Variants in SYT16 observed in about 807,000 individuals in gnomAD.
SYT16 encodes the protein synaptotagmin 16, also known as synaptotagmin-16.
A neutral mutation model predicts 61.4 loss-of-function variants in SYT16; 42 were observed. That is an observed-to-expected ratio of 0.68 (90% CI 0.53 to 0.89). The LOEUF (loss-of-function observed/expected upper bound fraction) is 0.89. Ranked by LOEUF, SYT16 falls within the 40% of genes least tolerant of loss-of-function variation. The probability of loss-of-function intolerance (pLI) is 0.00; values close to 1 mark genes in which losing one functional copy is unlikely to be tolerated. For synonymous variants in SYT16, 314 were observed against 302.3 expected (o/e 1.04, Z -0.40); for missense variants, 804 against 807.3 (o/e 1.00, Z 0.05).
chr14:61,841,257 G>T (rs574857944), intron 1 of SYT16, among the ~76,000 whole-genome samples: 1 of 152,160 alleles, frequency 6.6e-6, no homozygotes, highest in Non-Finnish European at 1.5e-5. Flanking sequence ...AAATCACAGA[G>T]CATTCATTCT....
rs963825824 is a variant in SYT16 at position 62,107,368 on chromosome 14, G to A, written c.*6661G>A. ...GGATTGCTTGAACCTGTGAGGTCAA[G>A]GCTGCAGTGAGCCGGGATCATGCCA... On this transcript the variant is annotated 3_prime_UTR_variant, in exon 8 of 8. Coordinates refer to ENST00000683842, the MANE Select transcript of SYT16 (RefSeq NM_001367656.1). 10 of 152,198 alleles carry A rather than the reference G, an allele frequency of 6.6e-5. No individual in the cohort carries two copies. Among genetic ancestry groups the A allele is most frequent in the African/African-American group, 1.2e-4 (5 of 41,400 alleles). 9.4% of individuals were successfully genotyped at this position (152,198 alleles called of 1,614,324 possible).
At chr14:61,999,638 T>G (rs1358084525) in intron 3 of SYT16, among the ~76,000 whole-genome samples, 1 of 151,860 alleles carries the variant, frequency 6.6e-6, no homozygotes, top group Non-Finnish European at 1.5e-5. Flanking sequence ...ATTATTTTCT[T>G]TGTTTTTCTT....
intron 1 of SYT16, among the ~76,000 whole-genome samples, chr14:61,815,841 C>T (rs528878564): frequency 5.3e-5 from 8 of 152,162 alleles, no homozygotes; most frequent in African/African-American, 1.9e-4. Flanking sequence ...AGTAGTGAAG[C>T]GCTATTTTAT....
At chr14:61,977,552 C>A (rs1485804626) in intron 2 of SYT16, among the ~76,000 whole-genome samples, 1 of 152,162 alleles carries the variant, frequency 6.6e-6, no homozygotes, top group Non-Finnish European at 1.5e-5. Context: ...CACTCACTAT[C>A]ATGAGAACAG....
At chr14:62,036,280 A>G (rs2054503265) in intron 3 of SYT16, among the ~76,000 whole-genome samples, 1 of 152,080 alleles carries the variant, frequency 6.6e-6, no homozygotes. Flanking sequence ...AAACGTGAGG[A>G]TCTGAAAAAA....
At chr14:61,938,390 G>A (rs970336726) in intron 1 of SYT16, among the ~76,000 whole-genome samples, 1 of 152,116 alleles carries the variant, frequency 6.6e-6, no homozygotes. Flanking sequence ...TGCCAGGTAA[G>A]TAGTGTGGGA....
chr14:61,875,337 A>G (rs1330809767), intron 1 of SYT16, among the ~76,000 whole-genome samples: 2 of 152,190 alleles, frequency 1.3e-5, no homozygotes, highest in Non-Finnish European at 2.9e-5. Flanking sequence ...GTTGGAAGTG[A>G]GGAATCAGGG....
At chr14:62,049,579 C>T (rs140391223) in intron 3 of SYT16, among the ~76,000 whole-genome samples, 1 of 152,176 alleles carries the variant, frequency 6.6e-6, no homozygotes, top group Non-Finnish European at 1.5e-5. Flanking sequence ...CCTTGATGGT[C>T]TTTACAATTT....
intron 1 of SYT16, among the ~76,000 whole-genome samples, chr14:61,908,719 G>C (rs1043240922): frequency 2.0e-5 from 3 of 152,186 alleles, no homozygotes; most frequent in Non-Finnish European, 2.9e-5. Context: ...TATACTGAGA[G>C]ATACAGGATT....
chr14:61,850,047 T>A (rs2046565026), intron 1 of SYT16, among the ~76,000 whole-genome samples: 1 of 152,224 alleles, frequency 6.6e-6, no homozygotes, highest in African/African-American at 2.4e-5. Flanking sequence ...TTCCAACATC[T>A]GTTGTTTTTG....
At chr14:62,054,134 A>G (rs2055432229) in intron 3 of SYT16, among the ~76,000 whole-genome samples, 1 of 152,220 alleles carries the variant, frequency 6.6e-6, no homozygotes, top group Non-Finnish European at 1.5e-5. Flanking sequence ...GATAGCAGGC[A>G]TCCACGGCAT....
chr14:62,081,864 C>T (rs2056719929), intron 6 of SYT16, among the ~76,000 whole-genome samples: 1 of 152,152 alleles, frequency 6.6e-6, no homozygotes, highest in Non-Finnish European at 1.5e-5. Context: ...TTTTACAAAA[C>T]CACGTTAACA....
intron 1 of SYT16, among the ~76,000 whole-genome samples, chr14:61,900,538 G>C (rs949052208): frequency 6.6e-6 from 1 of 152,110 alleles, no homozygotes; most frequent in Non-Finnish European, 1.5e-5. Flanking sequence ...AGGATGTAAG[G>C]GATCTTTGGT....
At chr14:61,900,634 G>A (rs217646) in intron 1 of SYT16, among the ~76,000 whole-genome samples, 132,680 of 152,020 alleles carry the variant, frequency 0.87, 58,039 homozygotes, top group East Asian at 0.98. Context: ...GGAGAGAGAA[G>A]CAGCTCCGAA....
intron 1 of SYT16, among the ~76,000 whole-genome samples, chr14:61,880,506 C>T (rs532496717): frequency 6.6e-6 from 1 of 152,178 alleles, no homozygotes; most frequent in Admixed American, 6.5e-5. Flanking sequence ...TCCACAAAAT[C>T]CTGTTGGGGT....
In SYT16 at chr14:62,084,411, T is replaced by C. The variant is rs745640251; in HGVS notation, c.1624+26T>C. 1.9e-5 allele frequency: 30 copies of C among 1,594,998 alleles called. No homozygotes were observed. The South Asian group carries it at 2.4e-4, about 13-fold the overall frequency. On this transcript the variant is annotated intron_variant, in intron 7 of 7. Transcript: ENST00000683842. ...GTAAGTGTGAGTCTGTTCTCCCAGCTCTGGTTCTTCCAGAGGCAAGTGGAA... is the reference window on the plus strand; with the variant it reads ...GTAAGTGTGAGTCTGTTCTCCCAGCCCTGGTTCTTCCAGAGGCAAGTGGAA...
intron 3 of SYT16, among the ~76,000 whole-genome samples, chr14:62,018,295 C>CTTT (rs2053773081): frequency 2.0e-5 from 1 of 50,470 alleles, no homozygotes; most frequent in African/African-American, 8.2e-5. Context: ...TCTTCTTCTT[C>CTTT]TTCTTTTTTT....
At position 62,104,397 on chromosome 14, in the gene SYT16, C is replaced by A. The variant is rs923131190; in HGVS notation, c.*3690C>A. The A allele has an allele frequency of 6.6e-6, 1 of 152,136 alleles. No homozygotes were observed. Among genetic ancestry groups the A allele is most frequent in the African/African-American group, 2.4e-5 (1 of 41,424 alleles). The allele number at this position is 152,136 out of a possible 1,614,324, so 9.4% of individuals were successfully genotyped here. On this transcript the variant is annotated 3_prime_UTR_variant, in exon 8 of 8. Transcript: ENST00000683842. The stretch of plus-strand genomic sequence containing the variant: ...TATTCTATTTGATCTAAGAGCAAAG[C>A]AAATGATGGATAATCCTGAAATGGT...
At chr14:62,008,717 A>G (rs531054442) in intron 3 of SYT16, among the ~76,000 whole-genome samples, 1 of 151,736 alleles carries the variant, frequency 6.6e-6, no homozygotes, top group African/African-American at 2.4e-5. Flanking sequence ...TATACAAGTG[A>G]TATAATGCTA....
Sources: gnomAD v4.1 joint callset for allele counts (sites outside exome capture counted in the v4.1 genomes callset) on GRCh38, gnomAD v4.1.1 for gene constraint, MANE v1.5 for transcripts, NCBI Gene and HGNC (gene_info 2026-07-23, HGNC 2026-07-21) for gene names.